Variants in ACY1 observed in about 807,000 individuals in gnomAD.
ACY1 encodes aminoacylase-1.
A neutral mutation model predicts 53.3 loss-of-function variants in ACY1; 38 were observed. That is an observed-to-expected ratio of 0.71 (90% CI 0.55 to 0.93). The LOEUF is 0.93. Among genes scored for constraint, ACY1 ranks in the 40% least tolerant of loss-of-function variants. ACY1 has a pLI of 0.00. For missense variants in ACY1, 484 were observed against 540.9 expected (o/e 0.89, Z 1.04); for synonymous variants, 177 against 202.1 (o/e 0.88, Z 1.05).
rs1206342776 is a variant in ACY1 at position 51,984,035 on chromosome 3, C to G, written c.-18-12C>G. The G allele has an allele frequency of 6.2e-7, 1 of 1,602,542 alleles. No homozygotes were observed. The highest frequency in any genetic ancestry group is 8.5e-7 in the Non-Finnish European group (1 of 1,171,148). ...TCTTGGAGGGGTAGTTAGCCATTCA[C>G]TTTGCCCCCAGCTCACCACGCGCAG... On this transcript the variant is annotated splice_polypyrimidine_tract_variant and intron_variant, in intron 1 of 14. Coordinates refer to ENST00000636358, the MANE Select transcript of ACY1 (RefSeq NM_000666.3).
intron 2 of ACY1, 111 bp downstream of exon 2, chr3:51,984,269 A>C (rs1700982053): frequency 5.1e-6 from 5 of 988,412 alleles, no homozygotes; most frequent in Non-Finnish European, 7.8e-6. Context: ...TGCTGTCCCA[A>C]ATGGCTCCCC....
Position 51,989,086 on chromosome 3 carries a change from T to C in ACY1, c.*11T>C, listed in dbSNP as rs1701180815. On this transcript the variant is annotated 3_prime_UTR_variant, in exon 15 of 15. Transcript: ENST00000636358. ...CCCAGTGACAGCTGAGCCCTGGAAC[T>C]CCTAAACCTTTGCCCCTGGGGCTTC... 1.2e-6 allele frequency: 2 copies of C among 1,612,794 alleles called. No homozygotes were observed. The highest frequency in any genetic ancestry group is 1.7e-6 in the Non-Finnish European group (2 of 1,180,008).
In ACY1 at chr3:51,988,508, T is replaced by C. The variant is rs758185370; in HGVS notation, c.922-16T>C. On this transcript the variant is annotated splice_polypyrimidine_tract_variant and intron_variant, in intron 12 of 14. Coordinates refer to ENST00000636358, the MANE Select transcript of ACY1 (RefSeq NM_000666.3). ...CAGGCCCATGTCCTGATCCTGCCAT[T>C]CTTCCTGTCCCTCAGAAGTGGATGC... 3 of 1,613,022 alleles carry C rather than the reference T, an allele frequency of 1.9e-6. No homozygotes were observed. The highest frequency in any genetic ancestry group is 3.3e-5 in the Admixed American group (2 of 60,000).
At chr3:51,984,271 T>C (rs1577723337) in intron 2 of ACY1, 113 bp downstream of exon 2, 1 of 969,674 alleles carries the variant, frequency 1.0e-6, no homozygotes. Context: ...CTGTCCCAAA[T>C]GGCTCCCCAA....
intron 4 of ACY1, 84 bp downstream of exon 4, chr3:51,985,549 C>G: frequency 7.3e-7 from 1 of 1,369,058 alleles, no homozygotes; most frequent in Non-Finnish European, 1.0e-6. Context: ...TCAAGTTGCT[C>G]ATGGTCCTGG....
At chr3:51,988,305 T>C in intron 12 of ACY1, 1 of 627,606 alleles carries the variant, frequency 1.6e-6, no homozygotes, top group Middle Eastern at 3.7e-4. Flanking sequence ...ATCTGAAGGA[T>C]GGACAGGAGG....
intron 11 of ACY1, 29 bp downstream of exon 11, chr3:51,987,482 G>A (rs773227766): frequency 1.5e-5 from 25 of 1,614,030 alleles, no homozygotes; most frequent in Non-Finnish European, 2.0e-5. Flanking sequence ...TTTGGAGGAG[G>A]GATCCTGGGT....
rs746589556 is a variant in ACY1, at chr3:51,986,522, C to G, written c.526+18C>G. 1.2e-6 allele frequency: 2 copies of G among 1,614,162 alleles called. No individual in the cohort carries two copies. The highest frequency in any genetic ancestry group is 3.3e-5 in the Admixed American group (2 of 60,026). ...GGATGAGGGTGAGCAGGTTGGCAAG[C>G]CAATGAGCAGCCAGGCAGGGAGTAG... On this transcript the variant is annotated intron_variant, in intron 7 of 14. Coordinates refer to ENST00000636358, the MANE Select transcript of ACY1 (RefSeq NM_000666.3).
At chr3:51,986,123 G>A (rs1701047100) in intron 5 of ACY1, 132 bp from the exon 6 acceptor site, 2 of 1,096,930 alleles carry the variant, frequency 1.8e-6, no homozygotes, top group Non-Finnish European at 2.7e-6. Context: ...GAGGGGCAGG[G>A]ACTTTCTGGA....
At position 51,988,844 on chromosome 3, in the gene ACY1, AGT is replaced by A; in HGVS notation, c.1062+20_1062+21del. The A allele has an allele frequency of 6.2e-7, 1 of 1,614,154 alleles. No homozygotes were observed. Among genetic ancestry groups the A allele is most frequent in the South Asian group, 1.1e-5 (1 of 91,090 alleles). ...TCCGCGCGGTGAGCCACTTGCATAT[AGT>A]GCCTGGGCAGTGGACTGGGCCTGAG... On this transcript the variant is annotated intron_variant, in intron 14 of 14. Coordinates refer to ENST00000636358, the MANE Select transcript of ACY1 (RefSeq NM_000666.3).
intron 8 of ACY1, 142 bp downstream of exon 8, chr3:51,986,803 T>C: frequency 7.7e-7 from 1 of 1,294,904 alleles, no homozygotes; most frequent in Non-Finnish European, 1.1e-6. Flanking sequence ...AGCTCTTTCC[T>C]ATCTGAGCTT....
chr3:51,987,251 T>C, intron 10 of ACY1, 55 bp downstream of exon 10: 1 of 1,613,966 alleles, frequency 6.2e-7, no homozygotes, highest in South Asian at 1.1e-5. Flanking sequence ...CCACAGAGGA[T>C]AGAGTCTGAG....
intron 2 of ACY1, 179 bp downstream of exon 2, chr3:51,984,337 G>A (rs939578115): frequency 1.5e-6 from 1 of 672,038 alleles, no homozygotes; most frequent in Non-Finnish European, 2.7e-6. Context: ...AGGTTAGGGA[G>A]GAACCCTTTC....
intron 12 of ACY1, 200 bp from the exon 13 acceptor site, chr3:51,988,324 C>A (rs1285767273): frequency 1.5e-6 from 1 of 648,406 alleles, no homozygotes; most frequent in Non-Finnish European, 2.8e-6. Context: ...GGTAAGTAGA[C>A]GGAGGGTGGG....
intron 8 of ACY1, 149 bp downstream of exon 8, chr3:51,986,810 G>A (rs960107711): frequency 1.1e-5 from 14 of 1,281,334 alleles, no homozygotes; most frequent in Non-Finnish European, 1.5e-5. Context: ...TCCTATCTGA[G>A]CTTCTCTGAG....
chr3:51,986,897 G>A, intron 8 of ACY1, 91 bp from the exon 9 acceptor site: 3 of 1,429,844 alleles, frequency 2.1e-6, no homozygotes, highest in Non-Finnish European at 2.9e-6. Context: ...AGAGGAGCCT[G>A]GAATGAGGGG....
In ACY1 at chr3:51,985,451, G is replaced by A. The variant is rs1464054016; in HGVS notation, c.250G>A (p.Val84Met). ...SILLNSHTDVVPVFKEHWSHD... is the reference protein window; with the variant it reads ...SILLNSHTDVMPVFKEHWSHD... ...CTTGCTCAACTCCCACACGGATGTG[G>A]TGCCTGTCTTCAAGGTGTGTAAGGG... Residue 84 changes from valine (V) to methionine (M), a missense_variant, in exon 4 of 15, where the codon GTG becomes ATG. Transcript: ENST00000636358. The A allele has an allele frequency of 6.2e-7, 1 of 1,613,890 alleles. No homozygotes were observed. The highest frequency in any genetic ancestry group is 2.2e-5 in the East Asian group (1 of 44,890).
At chr3:51,986,005 C>A in intron 5 of ACY1, 59 bp downstream of exon 5, 1 of 1,511,458 alleles carries the variant, frequency 6.6e-7, no homozygotes, top group Non-Finnish European at 9.1e-7. Context: ...TGGATTGAAG[C>A]AGGACCTGAG....
Position 51,983,561 on chromosome 3 carries a change from G to T in ACY1, c.-47G>T, listed in dbSNP as rs1179739091. The T allele has an allele frequency of 5.0e-6, 1 of 200,816 alleles. No individual in the cohort carries two copies. The highest frequency in any genetic ancestry group is 1.0e-5 in the Non-Finnish European group (1 of 96,688). The allele number at this position is 200,816 out of a possible 1,614,324, so 12.4% of individuals were successfully genotyped here. A position where few individuals can be genotyped will look rare whatever the true frequency, so the allele number is the denominator to read the frequency against. On this transcript the variant is annotated 5_prime_UTR_variant, in exon 1 of 15. Transcript: ENST00000636358. Reference sequence around the variant, plus strand: ...CAGTCAGGGAAGGGCGCTGAGAGGCGAGCGTGAGCCCAGCGACAGGAGAGT... The same window carrying T: ...CAGTCAGGGAAGGGCGCTGAGAGGCTAGCGTGAGCCCAGCGACAGGAGAGT...
Sources: allele counts gnomAD v4.1 joint callset, GRCh38; gene constraint gnomAD v4.1.1; transcripts MANE v1.5; gene names NCBI Gene and HGNC (gene_info 2026-07-23, HGNC 2026-07-21).